Variants in PARD3B observed in about 807,000 individuals in gnomAD.
PARD3B encodes partitioning defective 3 homolog B.
In PARD3B, 103 loss-of-function variants were observed where a neutral mutation model predicts 130.2. The ratio of observed to expected loss-of-function variants is 0.79; its 90% CI spans 0.67 to 0.93. The LOEUF (loss-of-function observed/expected upper bound fraction) is 0.93. Ranked by LOEUF, PARD3B falls within the 40% of genes least tolerant of loss-of-function variation. The pLI, the probability that PARD3B is intolerant of heterozygous loss-of-function variation, is 0.00. For synonymous variants in PARD3B, 583 were observed against 553.2 expected (o/e 1.05, Z -0.76); for missense variants, 1,609 against 1,499.2 (o/e 1.07, Z -1.21).
At chr2:204,629,302 C>G (rs944624823) in intron 1 of PARD3B, among the ~76,000 whole-genome samples, 3 of 152,164 alleles carry the variant, frequency 2.0e-5, no homozygotes, top group Non-Finnish European at 4.4e-5. Context: ...TGCCCCTTCC[C>G]TACTTTCTGT....
intron 3 of PARD3B, among the ~76,000 whole-genome samples, chr2:205,022,359 G>C (rs1416791387): frequency 6.6e-6 from 1 of 152,134 alleles, no homozygotes; most frequent in Non-Finnish European, 1.5e-5. Flanking sequence ...TCTTACAAAT[G>C]ATCTTTAGAA....
chr2:204,829,358 A>G (rs1453191654), intron 2 of PARD3B, among the ~76,000 whole-genome samples: 1 of 152,248 alleles, frequency 6.6e-6, no homozygotes, highest in African/African-American at 2.4e-5. Flanking sequence ...AACTTTAATC[A>G]GCTTTCTTCA....
intron 16 of PARD3B, among the ~76,000 whole-genome samples, chr2:205,279,156 C>A (rs76844926): frequency 8.1e-5 from 12 of 148,478 alleles, no homozygotes; most frequent in Admixed American, 2.0e-4. Flanking sequence ...CAAATTTAAC[C>A]TTACCTTTTA....
intron 1 of PARD3B, among the ~76,000 whole-genome samples, chr2:204,558,873 T>G (rs1191702301): frequency 6.6e-6 from 1 of 152,064 alleles, no homozygotes; most frequent in Non-Finnish European, 1.5e-5. Flanking sequence ...AACAGAGGCC[T>G]CAGAAATAAC....
At chr2:204,637,948 A>T (rs1366323866) in intron 1 of PARD3B, among the ~76,000 whole-genome samples, 4 of 152,068 alleles carry the variant, frequency 2.6e-5, no homozygotes, top group Non-Finnish European at 5.9e-5. Flanking sequence ...GGTTGTGAGG[A>T]TGGCAAAGTC....
chr2:204,675,991 T>C lies in PARD3B; in HGVS notation c.121-10190T>C, dbSNP rs1222272638. ...GCCATACTGGTTTATACATAATGGT[T>C]TATACTGGTTCCCTGTCTTTAAAAT... is the stretch of plus-strand genomic sequence containing the variant. On this transcript the variant is annotated intron_variant, in intron 1 of 22. Transcript: ENST00000406610. The surrounding 1 kb of genome is among the most constrained non-coding windows in gnomAD (Gnocchi z 4.4). Among the ~76,000 whole-genome samples the C allele has an allele frequency of 6.6e-6, 1 of 152,004 alleles. No individual in the cohort carries two copies. Among genetic ancestry groups the C allele is most frequent in the Non-Finnish European group, 1.5e-5 (1 of 68,018 alleles).
chr2:205,172,362 G>A lies in PARD3B; in HGVS notation c.1772G>A (p.Arg591Lys). The change falls in exon 12 of 23, where the codon AGG becomes AAG. Residue 591 changes from arginine to lysine, a missense_variant. Coordinates refer to ENST00000406610, the MANE Select transcript of PARD3B (RefSeq NM_001302769.2). ...ATGATCCAGTTGGTGATTCTGAGGA[G>A]GCCAGAGAGACCAATGGAGGTGATG... ...RGMIQLVILRRPERPMEDPAE... is the reference protein window; with the variant it reads ...RGMIQLVILRKPERPMEDPAE... 1 of 1,613,852 alleles carries A rather than the reference G, an allele frequency of 6.2e-7. No individual in the cohort carries two copies.
chr2:204,762,200 C>T (rs2040935466), intron 2 of PARD3B, among the ~76,000 whole-genome samples: 1 of 143,162 alleles, frequency 7.0e-6, no homozygotes, highest in African/African-American at 2.7e-5. Flanking sequence ...CGGCTGACTG[C>T]AACCTCTGCC....
chr2:204,696,657 G>A (rs991084471), intron 2 of PARD3B, among the ~76,000 whole-genome samples: 2 of 152,094 alleles, frequency 1.3e-5, no homozygotes, highest in African/African-American at 2.4e-5. Context: ...CTTTTAAGTT[G>A]TAGCGTTTGA....
chr2:204,608,152 G>A (rs1166119707), intron 1 of PARD3B, among the ~76,000 whole-genome samples: 1 of 152,152 alleles, frequency 6.6e-6, no homozygotes, highest in Non-Finnish European at 1.5e-5. Flanking sequence ...CAGGCAACAG[G>A]GGGGAATTTG....
chr2:204,773,398 ATT>A (rs928409410), intron 2 of PARD3B, among the ~76,000 whole-genome samples: 5 of 146,028 alleles, frequency 3.4e-5, no homozygotes, highest in Non-Finnish European at 6.2e-5. Context: ...ATATATATAT[ATT>A]TTTTTTCTTA....
In PARD3B at chr2:204,961,232, C is replaced by G. The variant is rs72940486; in HGVS notation, c.223-3920C>G. On this transcript the variant is annotated intron_variant, in intron 2 of 22. Transcript: ENST00000406610. The stretch of plus-strand genomic sequence containing the variant: ...CAAGGTCAGTCTGGCTGCTGTGTTG[C>G]GCGCAGGGGAAAGAGGCAGTGGGTA... Among the ~76,000 whole-genome samples the G allele has an allele frequency of 1.1e-4, 16 of 152,134 alleles. No homozygotes were observed. The South Asian group carries it at 1.7e-3, about 16-fold the overall frequency.
chr2:204,855,499 G>T (rs1404936604), intron 2 of PARD3B, among the ~76,000 whole-genome samples: 1 of 150,666 alleles, frequency 6.6e-6, no homozygotes. Flanking sequence ...CCGAGATTTT[G>T]CCACTGCACT....
At chr2:204,833,527 TC>T (rs990516335) in intron 2 of PARD3B, among the ~76,000 whole-genome samples, 3 of 152,028 alleles carry the variant, frequency 2.0e-5, no homozygotes, top group African/African-American at 7.2e-5. Flanking sequence ...CTCCCACAAT[TC>T]CCATGTTTCC....
intron 1 of PARD3B, among the ~76,000 whole-genome samples, chr2:204,632,761 G>A (rs1559196339): frequency 6.6e-6 from 1 of 152,152 alleles, no homozygotes; most frequent in East Asian, 1.9e-4. Context: ...TGGGTGTGGG[G>A]GTTCCCTTGG....
rs928803084 is a variant in PARD3B, at chr2:204,686,428, A to G, written c.222+146A>G. On this transcript the variant is annotated intron_variant, in intron 2 of 22. Transcript: ENST00000406610. ...TTTCACCTGGACAGCCCATAAATCA[A>G]AGTTCTTCATCAGATGTTTGGAAAA... 3 of 635,858 alleles carry G rather than the reference A, an allele frequency of 4.7e-6. No homozygotes were observed. The Admixed American group carries it at 8.4e-5, about 18-fold the overall frequency. 39.4% of individuals were successfully genotyped at this position (635,858 alleles called of 1,614,324 possible).
intron 2 of PARD3B, among the ~76,000 whole-genome samples, chr2:204,948,432 T>TA (rs1406699800): frequency 1.3e-5 from 2 of 152,228 alleles, no homozygotes; most frequent in East Asian, 3.9e-4. Context: ...CAAGTTTAGC[T>TA]ACATCAGTTG....
chr2:205,149,889 C>T (rs1413671935), intron 10 of PARD3B, among the ~76,000 whole-genome samples: 1 of 152,122 alleles, frequency 6.6e-6, no homozygotes. Flanking sequence ...GTACTGCTAA[C>T]GTCTGGTGGG....
chr2:204,769,397 G>A (rs2041265147), intron 2 of PARD3B, among the ~76,000 whole-genome samples: 1 of 34,992 alleles, frequency 2.9e-5, no homozygotes, highest in Non-Finnish European at 4.3e-5. Flanking sequence ...TGCTGGATTC[G>A]GTTTGCCGGT....
Sources: gnomAD v4.1 joint callset for allele counts (sites outside exome capture counted in the v4.1 genomes callset) on GRCh38, gnomAD v4.1.1 for gene constraint, Gnocchi (gnomAD v3.1) non-coding constraint, MANE v1.5 for transcripts, NCBI Gene and HGNC (gene_info 2026-07-23, HGNC 2026-07-21) for gene names.